The following MAEL variants were observed in gnomAD, a reference collection of about 807,000 sequenced individuals.
MAEL encodes maelstrom spermatogenic transposon silencer, also known as protein maelstrom homolog.
Under a neutral mutation model 62.0 loss-of-function variants are expected in MAEL, and 46 were observed. That is an observed-to-expected ratio of 0.74 (90% CI 0.59 to 0.95). The LOEUF is 0.95. Among genes scored for constraint, MAEL ranks in the 40% least tolerant of loss-of-function variants. The probability of loss-of-function intolerance (pLI) is 0.00; values close to 1 mark genes in which losing one functional copy is unlikely to be tolerated. For missense variants in MAEL, 497 were observed against 526.8 expected (o/e 0.94, Z 0.55); for synonymous variants, 172 against 175.5 (o/e 0.98, Z 0.16).
At chr1:167,009,281 G>A (rs1411125178) in intron 8 of MAEL, among the ~76,000 whole-genome samples, 1 of 152,094 alleles carries the variant, frequency 6.6e-6, no homozygotes, top group Non-Finnish European at 1.5e-5. Context: ...TATTCCCTGT[G>A]TTCTTGCATG....
intron 1 of MAEL, among the ~76,000 whole-genome samples, chr1:166,976,022 G>A (rs1663568260): frequency 6.6e-6 from 1 of 152,164 alleles, no homozygotes; most frequent in Admixed American, 6.5e-5. Flanking sequence ...TTTCCTTTTT[G>A]ACAGTGCAAG....
chr1:166,988,809 G>T (rs995199916), upstream of MAEL, among the ~76,000 whole-genome samples: 2 of 151,974 alleles, frequency 1.3e-5, no homozygotes, highest in South Asian at 4.2e-4. Context: ...ACTTATTTTT[G>T]AATGTACTTT....
Position 166,989,490 on chromosome 1 carries a change from G to T in MAEL, c.132+6G>T, listed in dbSNP as rs777997067. ...ACTGCTCCTCAGACTGGGCGGTAAGGCTGGAGCGGAGTGAGAGGGCTGGGC... is the reference window on the plus strand; with the variant it reads ...ACTGCTCCTCAGACTGGGCGGTAAGTCTGGAGCGGAGTGAGAGGGCTGGGC... On this transcript the variant is annotated splice_donor_region_variant and intron_variant, in intron 1 of 11. Coordinates refer to ENST00000367872, the MANE Select transcript of MAEL (RefSeq NM_032858.3). 40 of 1,581,674 alleles carry T rather than the reference G, an allele frequency of 2.5e-5. No homozygotes were observed. Among genetic ancestry groups the T allele is most frequent in the Non-Finnish European group, 3.4e-5 (39 of 1,163,640 alleles).
intron 10 of MAEL, among the ~76,000 whole-genome samples, chr1:167,019,218 C>G (rs1411542513): frequency 6.6e-6 from 1 of 152,154 alleles, no homozygotes. Context: ...CTGTTAAGCA[C>G]TCTATCTATA....
intron 8 of MAEL, among the ~76,000 whole-genome samples, chr1:167,011,235 T>C (rs73026802): frequency 0.056 from 8,538 of 152,274 alleles, 475 homozygotes; most frequent in African/African-American, 0.15. Flanking sequence ...GGGTAGGAGA[T>C]TGAGAAATTG....
intron 6 of MAEL, 32 bp downstream of exon 6, chr1:167,004,336 A>G (rs909497669): frequency 8.4e-6 from 13 of 1,553,456 alleles, no homozygotes; most frequent in African/African-American, 1.4e-5. Context: ...CTTTTAAGGT[A>G]TCAATTTATA....
In MAEL at chr1:167,021,947, G is replaced by A. The variant is rs1376268626; in HGVS notation, c.*92G>A. ...TAAACAGATCACATCAATGACAAATGTCACTACTATAAAAACTACTTAATT... is the reference window on the plus strand; with the variant it reads ...TAAACAGATCACATCAATGACAAATATCACTACTATAAAAACTACTTAATT... On this transcript the variant is annotated 3_prime_UTR_variant, in exon 12 of 12. Transcript: ENST00000367872. 13 of 778,816 alleles carry A rather than the reference G, an allele frequency of 1.7e-5. No individual in the cohort carries two copies. The Admixed American group carries it at 2.0e-4, about 12-fold the overall frequency. 48.2% of individuals were successfully genotyped at this position (778,816 alleles called of 1,614,324 possible).
chr1:166,976,690 A>C (rs1404828471), intron 1 of MAEL, among the ~76,000 whole-genome samples: 4 of 152,212 alleles, frequency 2.6e-5, no homozygotes, highest in Admixed American at 6.5e-5. Flanking sequence ...AAAGGTCTCA[A>C]GTAGCATCTG....
chr1:167,017,179 T>A (rs1303626008), intron 9 of MAEL, among the ~76,000 whole-genome samples: 1 of 152,192 alleles, frequency 6.6e-6, no homozygotes, highest in Non-Finnish European at 1.5e-5. Flanking sequence ...CTTGAATGGA[T>A]GGATATACCA....
chr1:167,021,885 A>T lies in MAEL; in HGVS notation c.*30A>T. The T allele has an allele frequency of 6.8e-7, 1 of 1,474,200 alleles. No homozygotes were observed. Among genetic ancestry groups the T allele is most frequent in the Non-Finnish European group, 9.4e-7 (1 of 1,068,396 alleles). The allele number at this position is 1,474,200 out of a possible 1,614,324, so 91.3% of individuals were successfully genotyped here. Reference sequence around the variant, plus strand: ...GGTACTCTTTTCAATTTCTGAAAACAGTAACAGGCCCAACTTCCTTCTTAC... The same window carrying T: ...GGTACTCTTTTCAATTTCTGAAAACTGTAACAGGCCCAACTTCCTTCTTAC... On this transcript the variant is annotated 3_prime_UTR_variant, in exon 12 of 12. Transcript: ENST00000367872.
intron 5 of MAEL, among the ~76,000 whole-genome samples, chr1:166,999,585 C>G (rs1351812035): frequency 6.6e-6 from 1 of 152,232 alleles, no homozygotes; most frequent in African/African-American, 2.4e-5. Flanking sequence ...GACGTAGACG[C>G]TGCAGCAAGT....
At chr1:167,015,635 C>G (rs913192616) in intron 8 of MAEL, among the ~76,000 whole-genome samples, 3 of 151,150 alleles carry the variant, frequency 2.0e-5, no homozygotes, top group Non-Finnish European at 4.4e-5. Context: ...GTCATTTCCT[C>G]ACCAACATCA....
At position 166,994,017 on chromosome 1, in the gene MAEL, T is replaced by A; in HGVS notation, c.482-11T>A. ...AATTTTTGCTTCTCAACAAGATATT[T>A]TGTATTATAGGTGAAATTCCACGAG... On this transcript the variant is annotated splice_polypyrimidine_tract_variant and intron_variant, in intron 4 of 11. Transcript: ENST00000367872. 6.2e-7 allele frequency: 1 copy of A among 1,611,762 alleles called. No individual in the cohort carries two copies. The highest frequency in any genetic ancestry group is 8.5e-7 in the Non-Finnish European group (1 of 1,178,812).
chr1:166,998,468 G>A (rs909687060), intron 5 of MAEL, among the ~76,000 whole-genome samples: 37 of 152,116 alleles, frequency 2.4e-4, no homozygotes, highest in Non-Finnish European at 4.0e-4. Context: ...TGAGTTTTTA[G>A]CAGATTACTT....
intron 5 of MAEL, among the ~76,000 whole-genome samples, chr1:166,999,659 G>A (rs919882745): frequency 2.0e-5 from 3 of 152,182 alleles, no homozygotes; most frequent in Non-Finnish European, 4.4e-5. Context: ...GATTTTCAAC[G>A]AAAATGAAAC....
At chr1:167,005,945 A>G (rs1405124093) in intron 8 of MAEL, 1 of 152,276 alleles carries the variant, frequency 6.6e-6, no homozygotes. Context: ...GTTTCCTAAG[A>G]ATAAGAATGT....
At chr1:167,014,177 A>T (rs896894882) in intron 8 of MAEL, among the ~76,000 whole-genome samples, 3 of 152,150 alleles carry the variant, frequency 2.0e-5, no homozygotes, top group African/African-American at 4.8e-5. Context: ...TTTATTGTGG[A>T]CATGTACCAT....
intron 8 of MAEL, among the ~76,000 whole-genome samples, chr1:167,014,974 A>G (rs889192948): frequency 6.6e-6 from 1 of 152,114 alleles, no homozygotes; most frequent in African/African-American, 2.4e-5. Context: ...CAGTGAGCAG[A>G]GATCGCGCCT....
chr1:166,980,447 G>A (rs143367597), intron 1 of MAEL, among the ~76,000 whole-genome samples: 1 of 152,194 alleles, frequency 6.6e-6, no homozygotes, highest in African/African-American at 2.4e-5. Flanking sequence ...CATCCCTGCA[G>A]AAAGGAGAGA....
Sources: allele counts gnomAD v4.1 joint callset (sites outside exome capture counted in the v4.1 genomes callset), GRCh38; gene constraint gnomAD v4.1.1; transcripts MANE v1.5; gene names NCBI Gene and HGNC (gene_info 2026-07-23, HGNC 2026-07-21).